Variants in HSD3B1 observed in about 807,000 individuals in gnomAD.
HSD3B1 encodes hydroxy-delta-5-steroid dehydrogenase, 3 beta- and steroid delta-isomerase 1, also known as 3 beta-hydroxysteroid dehydrogenase/Delta 5-->4-isomerase type 1.
HSD3B1 carries 11 observed loss-of-function variants against 10.4 expected under a neutral mutation model. That is an observed-to-expected ratio of 1.05 (90% CI 0.66 to 1.75). The LOEUF (loss-of-function observed/expected upper bound fraction) is 1.75. HSD3B1 is among the 40% of genes most tolerant of loss of function. The pLI is 0.00. For synonymous variants in HSD3B1, 217 were observed against 185.4 expected (o/e 1.17, Z -1.39); for missense variants, 490 against 454.5 (o/e 1.08, Z -0.71).
At chr1:119,507,943 A>G (rs1653835658) in intron 2 of HSD3B1, 1 of 287,756 alleles carries the variant, frequency 3.5e-6, no homozygotes, top group African/African-American at 2.2e-5. Context: ...TATGTTCTGA[A>G]GCTTTTGTCT....
Position 119,514,538 on chromosome 1 carries a change from G to T in HSD3B1, c.1015G>T (p.Ala339Ser), listed in dbSNP as rs1654053804. Residue 339 changes from alanine to serine, a missense_variant, in exon 4 of 4, where the codon GCG becomes TCG. Ala to Ser is a moderately conservative substitution (Grantham distance 99). Transcript: ENST00000369413. ...TTATAAGAAGGCTCAGCGAGATCTG[G>T]CGTATAAGCCACTCTACAGCTGGGA... ...FSYKKAQRDL[A>S]YKPLYSWEEA... 4.3e-6 allele frequency: 7 copies of T among 1,613,974 alleles called. No individual in the cohort carries two copies. In the East Asian group the frequency reaches 1.6e-4, roughly 36 times the overall value.
At chr1:119,512,015 T>C (rs1229597484) in intron 3 of HSD3B1, 1 of 277,522 alleles carries the variant, frequency 3.6e-6, no homozygotes, top group African/African-American at 2.2e-5. Flanking sequence ...AATTTCTGAC[T>C]TCAGACTCTT....
At position 119,511,489 on chromosome 1, in the gene HSD3B1, C is replaced by A; in HGVS notation, c.146-14C>A. ...ACAGAAATCATTCCAATGACCTGAC[C>A]TGTGTTCACACAGAACTCCAGAACA... is the stretch of plus-strand genomic sequence containing the variant. On this transcript the variant is annotated splice_polypyrimidine_tract_variant and intron_variant, in intron 2 of 3. Coordinates refer to ENST00000369413, the MANE Select transcript of HSD3B1 (RefSeq NM_000862.3). 2 of 1,613,428 alleles carry A rather than the reference C, an allele frequency of 1.2e-6. No homozygotes were observed. The highest frequency in any genetic ancestry group is 1.7e-6 in the Non-Finnish European group (2 of 1,179,512).
chr1:119,514,666 G>T lies in HSD3B1; in HGVS notation c.*21G>T. 6.2e-7 allele frequency: 1 copy of T among 1,611,088 alleles called. No homozygotes were observed. The highest frequency in any genetic ancestry group is 8.5e-7 in the Non-Finnish European group (1 of 1,178,412). On this transcript the variant is annotated 3_prime_UTR_variant, in exon 4 of 4. Transcript: ENST00000369413. ...AGTGATTTAAGGATGACAGAGATGT[G>T]CATGTGGGTATTGTTAGGAGATGTC...
intron 2 of HSD3B1, among the ~76,000 whole-genome samples, chr1:119,511,023 G>A (rs879799870): frequency 3.9e-5 from 6 of 152,114 alleles, no homozygotes; most frequent in Middle Eastern, 3.4e-3. Context: ...TGGAATAACA[G>A]GCATGAGCCA....
intron 2 of HSD3B1, among the ~76,000 whole-genome samples, chr1:119,509,659 G>T (rs1372601898): frequency 6.6e-6 from 1 of 152,134 alleles, no homozygotes; most frequent in African/African-American, 2.4e-5. Flanking sequence ...CCCCACTCCA[G>T]GACCTTCTTG....
In HSD3B1 at chr1:119,514,451, A is replaced by T. The variant is rs746158285; in HGVS notation, c.928A>T (p.Thr310Ser). ...GAGCTTCCTACTCAGGCCAATTTACACCTATCGACCGCCCTTCAACCGCCA... is the reference window on the plus strand; with the variant it reads ...GAGCTTCCTACTCAGGCCAATTTACTCCTATCGACCGCCCTTCAACCGCCA... ...IVSFLLRPIY[T>S]YRPPFNRHIV... Residue 310 changes from threonine (T) to serine (S), a missense_variant, in exon 4 of 4, where the codon ACC (threonine) becomes TCC (serine). Physicochemically the swap from Thr to Ser is moderately conservative, Grantham distance 58 (BLOSUM62 1). Transcript: ENST00000369413. The T allele has an allele frequency of 2.5e-6, 4 of 1,613,924 alleles. No homozygotes were observed. The East Asian group carries it at 6.7e-5, about 27-fold the overall frequency.
At chr1:119,512,387 A>G (rs1320705488) in intron 3 of HSD3B1, among the ~76,000 whole-genome samples, 1 of 152,108 alleles carries the variant, frequency 6.6e-6, no homozygotes, top group Non-Finnish European at 1.5e-5. Flanking sequence ...CTTTCAAAGT[A>G]TGGCTTTCCA....
chr1:119,511,726 G>A, intron 3 of HSD3B1, 59 bp downstream of exon 3: 1 of 1,461,500 alleles, frequency 6.8e-7, no homozygotes, highest in Non-Finnish European at 9.5e-7. Context: ...ACAAAGAAGG[G>A]CAGGAAGGGA....
intron 2 of HSD3B1, 22 bp from the exon 3 acceptor site, chr1:119,511,481 G>C (rs34988018): frequency 2.6e-4 from 412 of 1,613,022 alleles, no homozygotes; most frequent in East Asian, 6.7e-4. Flanking sequence ...TCATTCCAAT[G>C]ACCTGACCTG....
At chr1:119,511,441 A>T in intron 2 of HSD3B1, 62 bp from the exon 3 acceptor site, 1 of 1,549,494 alleles carries the variant, frequency 6.5e-7, no homozygotes, top group Non-Finnish European at 8.9e-7. Flanking sequence ...CATCACCTTT[A>T]TCAGAAAACT....
At position 119,513,972 on chromosome 1, in the gene HSD3B1, C is replaced by A; in HGVS notation, c.449C>A (p.Thr150Lys). 1 of 1,614,126 alleles carries A rather than the reference C, an allele frequency of 6.2e-7. No individual in the cohort carries two copies. The highest frequency in any genetic ancestry group is 8.5e-7 in the Non-Finnish European group (1 of 1,180,002). Reference protein sequence around the residue: ...NGHEEEPLENTWPAPYPHSKK... With the variant: ...NGHEEEPLENKWPAPYPHSKK... ...CATGAAGAAGAGCCTCTGGAAAACA[C>A]ATGGCCCGCTCCATACCCACACAGC... is the stretch of plus-strand genomic sequence containing the variant. The change falls in exon 4 of 4, where the codon ACA becomes AAA. Residue 150 changes from threonine to lysine, a missense_variant. Coordinates refer to ENST00000369413, the MANE Select transcript of HSD3B1 (RefSeq NM_000862.3).
At chr1:119,513,764 A>C (rs1428706993) in intron 3 of HSD3B1, 70 bp from the exon 4 acceptor site, 4 of 1,430,274 alleles carry the variant, frequency 2.8e-6, no homozygotes, top group East Asian at 2.3e-5. Context: ...TGGGGCACAT[A>C]GATCTGTGTT....
Position 119,507,351 on chromosome 1 carries a change from G to A in HSD3B1, c.-85-41G>A, listed in dbSNP as rs1356418278. The stretch of plus-strand genomic sequence containing the variant: ...AAAAAATGGGGTGGAGGAAAATGAG[G>A]CATCTGTGTGAGTATATAACCATTT... On this transcript the variant is annotated intron_variant, in intron 1 of 3. Coordinates refer to ENST00000369413, the MANE Select transcript of HSD3B1 (RefSeq NM_000862.3). 5 of 897,116 alleles carry A rather than the reference G, an allele frequency of 5.6e-6. No homozygotes were observed. The East Asian group carries it at 1.0e-4, about 19-fold the overall frequency. The allele number at this position is 897,116 out of a possible 1,614,324, so 55.6% of individuals were successfully genotyped here.
chr1:119,507,567 G>A lies in HSD3B1; in HGVS notation c.91G>A (p.Glu31Lys), dbSNP rs1317997044. 1 of 1,614,046 alleles carries A rather than the reference G, an allele frequency of 6.2e-7. No homozygotes were observed. Among genetic ancestry groups the A allele is most frequent in the East Asian group, 2.2e-5 (1 of 44,872 alleles). ...CTTGGTGAAGGAGAAGGAGCTGAAG[G>A]AGATCAGGGTCTTGGACAAGGCCTT... ...RLLVKEKELK[E>K]IRVLDKAFGP... is the part of the protein sequence containing the mutation. The change falls in exon 2 of 4, where the codon GAG (glutamate) becomes AAG (lysine). Residue 31 changes from glutamate (E) to lysine (K), a missense_variant. Coordinates refer to ENST00000369413, the MANE Select transcript of HSD3B1 (RefSeq NM_000862.3).
At position 119,514,196 on chromosome 1, in the gene HSD3B1, T is replaced by G; in HGVS notation, c.673T>G (p.Tyr225Asp). Residue 225 changes from tyrosine (Y) to aspartate (D), a missense_variant, in exon 4 of 4, where the codon TAT (tyrosine) becomes GAT (aspartate). Transcript: ENST00000369413. ...VGKFSTVNPV[Y>D]VGNVAWAHIL... ...AAAGTTCTCCACTGTTAACCCAGTCTATGTTGGCAATGTGGCCTGGGCCCA... is the reference window on the plus strand; with the variant it reads ...AAAGTTCTCCACTGTTAACCCAGTCGATGTTGGCAATGTGGCCTGGGCCCA... 2.5e-6 allele frequency: 4 copies of G among 1,614,026 alleles called. No individual in the cohort carries two copies. The highest frequency in any genetic ancestry group is 3.4e-6 in the Non-Finnish European group (4 of 1,179,944).
intron 2 of HSD3B1, 80 bp downstream of exon 2, chr1:119,507,701 A>C: frequency 1.4e-6 from 2 of 1,450,420 alleles, no homozygotes; most frequent in Non-Finnish European, 1.9e-6. Context: ...CTTGTCTAGC[A>C]AGTTATTGAA....
At position 119,513,994 on chromosome 1, in the gene HSD3B1, C is replaced by T; in HGVS notation, c.471C>T (p.His157=). The T allele has an allele frequency of 1.2e-6, 2 of 1,614,124 alleles. No homozygotes were observed. The highest frequency in any genetic ancestry group is 1.7e-6 in the Non-Finnish European group (2 of 1,180,008). Residue 157 remains histidine, a synonymous_variant, in exon 4 of 4, where the codon CAC becomes CAT. Transcript: ENST00000369413. ...LENTWPAPYP[H]SKKLAEKAVL... Reference sequence around the variant, plus strand: ...ACACATGGCCCGCTCCATACCCACACAGCAAAAAGCTTGCTGAGAAGGCTG... The same window carrying T: ...ACACATGGCCCGCTCCATACCCACATAGCAAAAAGCTTGCTGAGAAGGCTG...
intron 2 of HSD3B1, among the ~76,000 whole-genome samples, chr1:119,510,712 G>GCTTTCTTTTTTT (rs1653907366): frequency 5.1e-5 from 2 of 39,060 alleles, no homozygotes. Flanking sequence ...TGCTTGTGTG[G>GCTTTCTTTTTTT]TTTTCTTTTT....
Sources: gnomAD v4.1 joint callset for allele counts (sites outside exome capture counted in the v4.1 genomes callset) on GRCh38, gnomAD v4.1.1 for gene constraint, MANE v1.5 for transcripts, NCBI Gene and HGNC (gene_info 2026-07-23, HGNC 2026-07-21) for gene names.